Variants in UTRN observed in about 807,000 individuals in gnomAD.
UTRN encodes dystrophin-related protein 1.
UTRN carries 283 observed loss-of-function variants against 463.9 expected under a neutral mutation model. The ratio of observed to expected loss-of-function variants is 0.61; its 90% CI spans 0.55 to 0.67. The LOEUF is 0.67. Ranked by LOEUF, UTRN falls within the 30% of genes least tolerant of loss-of-function variation. UTRN has a pLI of 0.00. For synonymous variants in UTRN, 1,442 were observed against 1,431.5 expected, an observed-to-expected ratio of 1.01 and a Z score of -0.17; for missense variants, 3,922 against 4,084.3, an observed-to-expected ratio of 0.96 and a Z score of 1.08.
rs1213692200 is a variant in UTRN, at chr6:144,751,803, T to C, written c.8209-3T>C. On this transcript the variant is annotated splice_polypyrimidine_tract_variant and splice_region_variant and intron_variant, in intron 55 of 74. Coordinates refer to ENST00000367545, the MANE Select transcript of UTRN (RefSeq NM_007124.3). ...TAATATATTTTTTGTTCTTTTCTTCTAGGCATTTAGAGAAGAAATTGCACC... is the reference window on the plus strand; with the variant it reads ...TAATATATTTTTTGTTCTTTTCTTCCAGGCATTTAGAGAAGAAATTGCACC... 2.5e-6 allele frequency: 4 copies of C among 1,597,040 alleles called. No individual in the cohort carries two copies. The highest frequency in any genetic ancestry group is 1.7e-4 in the Middle Eastern group (1 of 5,940).
At chr6:144,564,787 C>T (rs1388843937) in intron 50 of UTRN, among the ~76,000 whole-genome samples, 3 of 152,114 alleles carry the variant, frequency 2.0e-5, no homozygotes, top group African/African-American at 7.2e-5. Flanking sequence ...CCTGGTCTCT[C>T]CCTTGACACA....
At chr6:144,307,306 G>C (rs1805831105) in intron 2 of UTRN, among the ~76,000 whole-genome samples, 1 of 152,158 alleles carries the variant, frequency 6.6e-6, no homozygotes, top group African/African-American at 2.4e-5. Context: ...ACTCTACCTA[G>C]CCTGACTGGG....
intron 53 of UTRN, among the ~76,000 whole-genome samples, chr6:144,714,794 C>G (rs1320120053): frequency 6.6e-6 from 1 of 152,154 alleles, no homozygotes; most frequent in African/African-American, 2.4e-5. Context: ...TGTGATGTCT[C>G]TGTTTGTTAG....
At chr6:144,545,885 TG>T (rs1226243273) in intron 46 of UTRN, among the ~76,000 whole-genome samples, 9 of 152,150 alleles carry the variant, frequency 5.9e-5, no homozygotes, top group Non-Finnish European at 4.4e-5. Flanking sequence ...CTGGGCGTGG[TG>T]GCGGGCGCCT....
At chr6:144,667,599 A>G (rs1780557583) in intron 51 of UTRN, among the ~76,000 whole-genome samples, 2 of 152,240 alleles carry the variant, frequency 1.3e-5, no homozygotes, top group Non-Finnish European at 1.5e-5. Context: ...TAGCGTAAGC[A>G]TAAAATCATT....
chr6:144,530,215 G>C (rs1490879441), intron 41 of UTRN, among the ~76,000 whole-genome samples: 1 of 152,212 alleles, frequency 6.6e-6, no homozygotes, highest in Non-Finnish European at 1.5e-5. Flanking sequence ...AGATCAAGGT[G>C]CCAGTAGATT....
Position 144,688,784 on chromosome 6 carries a change from C to T in UTRN, c.7652+10206C>T, listed in dbSNP as rs1783016113. The stretch of plus-strand genomic sequence containing the variant: ...GGTCTCTTGAAGGTTATCTCATTCC[C>T]CAGTGGTGTGCACTTATTTATTTTA... On this transcript the variant is annotated intron_variant, in intron 52 of 74. Coordinates refer to ENST00000367545, the MANE Select transcript of UTRN (RefSeq NM_007124.3). Among the ~76,000 whole-genome samples, 4 of 152,220 alleles carry T rather than the reference C, an allele frequency of 2.6e-5. 1 individual carries two copies. In the South Asian group the frequency reaches 8.3e-4, roughly 32 times the overall value.
intron 54 of UTRN, among the ~76,000 whole-genome samples, chr6:144,734,095 T>A (rs1485950679): frequency 6.6e-6 from 1 of 152,150 alleles, no homozygotes; most frequent in African/African-American, 2.4e-5. Flanking sequence ...ATGAGCTAGA[T>A]GCTTAACAAT....
At chr6:144,788,032 G>T (rs1586575457) in intron 61 of UTRN, among the ~76,000 whole-genome samples, 1 of 152,168 alleles carries the variant, frequency 6.6e-6, no homozygotes, top group Non-Finnish European at 1.5e-5. Flanking sequence ...ACATTTGGTA[G>T]ATTACTCAGT....
chr6:144,546,979 A>AC (rs1422578381), intron 46 of UTRN, among the ~76,000 whole-genome samples: 3 of 152,238 alleles, frequency 2.0e-5, no homozygotes, highest in African/African-American at 7.2e-5. Flanking sequence ...TTGTGATGTC[A>AC]CGTTATGTAG....
chr6:144,427,152 T>C (rs1158431798), intron 7 of UTRN, among the ~76,000 whole-genome samples: 2 of 152,170 alleles, frequency 1.3e-5, no homozygotes, highest in Non-Finnish European at 2.9e-5. Context: ...TGATATACGC[T>C]TGAGCTGACA....
intron 5 of UTRN, 115 bp from the exon 6 acceptor site, chr6:144,423,871 T>G: frequency 9.2e-7 from 1 of 1,090,758 alleles, no homozygotes. Flanking sequence ...AAATGAAATT[T>G]CTCTTATCTC....
chr6:144,762,661 T>C (rs1792843467), intron 58 of UTRN, among the ~76,000 whole-genome samples: 1 of 152,194 alleles, frequency 6.6e-6, no homozygotes, highest in Admixed American at 6.5e-5. Context: ...AGTTGGACCT[T>C]GAGAGGAACT....
chr6:144,357,387 A>G (rs1432303522), intron 2 of UTRN, among the ~76,000 whole-genome samples: 1 of 152,212 alleles, frequency 6.6e-6, no homozygotes, highest in South Asian at 2.1e-4. Context: ...TCATTTCATA[A>G]TATATGCTCT....
intron 50 of UTRN, among the ~76,000 whole-genome samples, chr6:144,568,859 A>G (rs1386047082): frequency 6.6e-6 from 1 of 152,176 alleles, no homozygotes; most frequent in Non-Finnish European, 1.5e-5. Context: ...GAGATTTGAA[A>G]TGATTTACCC....
At chr6:144,723,869 G>T (rs1787499915) in intron 53 of UTRN, among the ~76,000 whole-genome samples, 1 of 151,662 alleles carries the variant, frequency 6.6e-6, no homozygotes, top group South Asian at 2.1e-4. Context: ...AATTGGCCAG[G>T]CATGGTGGTG....
chr6:144,790,037 T>G (rs1335614178), intron 62 of UTRN, among the ~76,000 whole-genome samples: 2 of 152,186 alleles, frequency 1.3e-5, no homozygotes, highest in Middle Eastern at 3.2e-3. Context: ...TATTCCAATT[T>G]TACAGTTCAA....
intron 48 of UTRN, among the ~76,000 whole-genome samples, chr6:144,552,978 G>A (rs1185283232): frequency 2.0e-5 from 3 of 152,174 alleles, no homozygotes; most frequent in Admixed American, 2.0e-4. Context: ...TTGTCTCATT[G>A]AGCAAGTTTT....
At chr6:144,509,037 T>A (rs1274990531) in intron 34 of UTRN, among the ~76,000 whole-genome samples, 2 of 152,228 alleles carry the variant, frequency 1.3e-5, no homozygotes, top group Non-Finnish European at 2.9e-5. Context: ...ATATATCTTA[T>A]ATGAACTTTA....
Sources: allele counts gnomAD v4.1 joint callset (sites outside exome capture counted in the v4.1 genomes callset), GRCh38; gene constraint gnomAD v4.1.1; transcripts MANE v1.5; gene names NCBI Gene and HGNC (gene_info 2026-07-23, HGNC 2026-07-21).